Variants in ART3 observed in about 807,000 individuals in gnomAD.
The protein encoded by ART3 is ADP-ribosyltransferase 3 (inactive), also known as ecto-ADP-ribosyltransferase 3.
ART3 carries 49 observed loss-of-function variants against 48.5 expected under a neutral mutation model. The ratio of observed to expected loss-of-function variants is 1.01; its 90% CI spans 0.80 to 1.28. The LOEUF (loss-of-function observed/expected upper bound fraction) is 1.28, where lower values mean the gene tolerates loss of function less well. Among genes scored for constraint, ART3 ranks in the 50% most tolerant of loss-of-function variants. ART3 has a pLI of 0.00. For synonymous variants in ART3, 145 were observed against 157.2 expected (o/e 0.92, Z 0.58); for missense variants, 438 against 454.3 (o/e 0.96, Z 0.33).
intron 2 of ART3, among the ~76,000 whole-genome samples, chr4:76,081,558 T>TA (rs147333943): frequency 1.3e-5 from 2 of 152,310 alleles, no homozygotes; most frequent in East Asian, 3.9e-4. Flanking sequence ...CTCTGTGCCA[T>TA]AATGTCCAGA....
chr4:76,041,621 T>TATC (rs71657395), intron 1 of ART3, among the ~76,000 whole-genome samples: 92,621 of 151,728 alleles, frequency 0.61, 29,316 homozygotes, highest in East Asian at 0.94. Flanking sequence ...GAAAATATAT[T>TATC]ATTTCAATGT....
intron 1 of ART3, chr4:76,034,706 G>A: frequency 9.8e-7 from 1 of 1,015,476 alleles, no homozygotes; most frequent in South Asian, 1.4e-5. Context: ...TCCTACTGTA[G>A]AATTCTTGTC....
chr4:76,039,257 G>A (rs991106772), intron 1 of ART3, among the ~76,000 whole-genome samples: 20 of 151,970 alleles, frequency 1.3e-4, no homozygotes, highest in African/African-American at 4.6e-4. Context: ...GTGTTACCAC[G>A]CCCAGCCAAT....
chr4:76,110,359 G>A (rs1378264513), intron 11 of ART3, among the ~76,000 whole-genome samples: 1 of 152,184 alleles, frequency 6.6e-6, no homozygotes, highest in African/African-American at 2.4e-5. Flanking sequence ...CAAATACTGT[G>A]TATGCTATTT....
intron 3 of ART3, among the ~76,000 whole-genome samples, 160 bp downstream of exon 3, chr4:76,082,695 G>GA (rs1722736206): frequency 6.6e-6 from 1 of 152,014 alleles, no homozygotes; most frequent in Non-Finnish European, 1.5e-5. Flanking sequence ...TTAATTTTAT[G>GA]AAAATTGTAC....
intron 1 of ART3, among the ~76,000 whole-genome samples, chr4:76,054,437 A>T (rs1196257480): frequency 6.6e-6 from 1 of 152,014 alleles, no homozygotes; most frequent in Non-Finnish European, 1.5e-5. Flanking sequence ...ATATAAAAAA[A>T]ATAGGACAGG....
chr4:76,061,190 G>C (rs1370440187), intron 1 of ART3, among the ~76,000 whole-genome samples: 1 of 152,134 alleles, frequency 6.6e-6, no homozygotes, highest in Non-Finnish European at 1.5e-5. Flanking sequence ...ACAGTATCTG[G>C]CTGGAACCTC....
intron 1 of ART3, among the ~76,000 whole-genome samples, chr4:76,049,704 T>C (rs1390952776): frequency 6.6e-6 from 1 of 151,840 alleles, no homozygotes; most frequent in Non-Finnish European, 1.5e-5. Flanking sequence ...ACTCACTGCT[T>C]GGCGATAGGC....
intron 1 of ART3, among the ~76,000 whole-genome samples, chr4:76,043,588 C>A (rs924109648): frequency 6.6e-6 from 1 of 152,136 alleles, no homozygotes; most frequent in Non-Finnish European, 1.5e-5. Flanking sequence ...GAGTGCGGGG[C>A]CCACCAAGCC....
At chr4:76,107,986 C>T (rs143107813) in intron 11 of ART3, among the ~76,000 whole-genome samples, 193 bp downstream of exon 11, 1 of 151,518 alleles carries the variant, frequency 6.6e-6, no homozygotes, top group Non-Finnish European at 1.5e-5. Flanking sequence ...TTTGTTTTTT[C>T]GATAATCGTT....
chr4:76,102,258 C>T (rs966432386), intron 8 of ART3, among the ~76,000 whole-genome samples: 10 of 152,272 alleles, frequency 6.6e-5, no homozygotes, highest in Non-Finnish European at 1.3e-4. Context: ...ATTGAAGCAT[C>T]GGGAACTTCA....
intron 3 of ART3, among the ~76,000 whole-genome samples, chr4:76,092,859 A>G (rs1005058306): frequency 2.0e-5 from 3 of 152,114 alleles, no homozygotes; most frequent in South Asian, 2.1e-4. Flanking sequence ...GATGTTTTCT[A>G]TTGTTTTGTA....
At chr4:76,085,200 A>T (rs1723288132) in intron 3 of ART3, among the ~76,000 whole-genome samples, 1 of 152,356 alleles carries the variant, frequency 6.6e-6, no homozygotes, top group African/African-American at 2.4e-5. Flanking sequence ...TGAAGGTGTG[A>T]TTGCCTAACT....
intron 1 of ART3, among the ~76,000 whole-genome samples, chr4:76,045,333 C>A (rs1355227967): frequency 6.6e-6 from 1 of 152,016 alleles, no homozygotes; most frequent in Non-Finnish European, 1.5e-5. Flanking sequence ...ATATTTTAAG[C>A]ACCAGTCCCT....
At chr4:76,069,889 T>C (rs944044827), upstream of ART3, among the ~76,000 whole-genome samples, 7 of 151,918 alleles carry the variant, frequency 4.6e-5, no homozygotes, top group Non-Finnish European at 7.4e-5. Context: ...TGTGCACATA[T>C]AACATACCCA....
intron 1 of ART3, among the ~76,000 whole-genome samples, chr4:76,053,255 A>C (rs976297760): frequency 3.3e-5 from 5 of 152,138 alleles, no homozygotes; most frequent in African/African-American, 9.7e-5. Flanking sequence ...GGCTTAATTA[A>C]ATTTATTGCA....
chr4:76,112,346 A>C, intron 11 of ART3, 40 bp from the exon 12 acceptor site: 1 of 1,573,870 alleles, frequency 6.4e-7, no homozygotes, highest in Non-Finnish European at 8.6e-7. Context: ...TACTTGACAT[A>C]AAAAATGATG....
intron 1 of ART3, among the ~76,000 whole-genome samples, chr4:76,013,074 T>C (rs1731945234): frequency 6.6e-6 from 1 of 152,132 alleles, no homozygotes; most frequent in Non-Finnish European, 1.5e-5. Flanking sequence ...TAACACTTAT[T>C]ATAGAAGAAG....
chr4:76,023,581 G>A, intron 1 of ART3: 2 of 619,500 alleles, frequency 3.2e-6, no homozygotes, highest in Non-Finnish European at 5.7e-6. Flanking sequence ...CATTACAGTT[G>A]ACTTAGCAAA....
Sources: allele counts gnomAD v4.1 joint callset (sites outside exome capture counted in the v4.1 genomes callset), GRCh38; gene constraint gnomAD v4.1.1; transcripts MANE v1.5; gene names NCBI Gene and HGNC (gene_info 2026-07-23, HGNC 2026-07-21).